Variants in SLC71A1 observed in about 807,000 individuals in gnomAD.
The protein encoded by SLC71A1 is hippocampus abundant gene transcript 1.
chr1:100,073,026 C>A, the SLC71A1 span, among the ~76,000 whole-genome samples: 1 of 152,120 alleles, frequency 6.6e-6, no homozygotes, highest in Non-Finnish European at 1.5e-5. Context: ...GCCCGCCACC[C>A]CTATGCTCCT....
At chr1:100,082,469 C>CT in the SLC71A1 span, 1 of 449,834 alleles carries the variant, frequency 2.2e-6, no homozygotes, top group Non-Finnish European at 4.0e-6. Flanking sequence ...ATTATACATC[C>CT]TTTAATTAAA....
the SLC71A1 span, among the ~76,000 whole-genome samples, chr1:100,062,914 TAAAAA>T: frequency 4.3e-5 from 5 of 116,158 alleles, no homozygotes; most frequent in South Asian, 1.2e-3. Context: ...TGTCTCTATT[TAAAAA>T]AAAAAAAAAA....
the SLC71A1 span, among the ~76,000 whole-genome samples, chr1:100,046,210 TCG>T: frequency 3.2e-5 from 4 of 126,600 alleles, no homozygotes; most frequent in East Asian, 9.2e-4. Context: ...CCTCCAAGCC[TCG>T]TTTTTTTTTT....
the SLC71A1 span, among the ~76,000 whole-genome samples, chr1:100,070,074 T>C: frequency 1.3e-5 from 2 of 152,196 alleles, no homozygotes; most frequent in Admixed American, 6.5e-5. Context: ...GTTTACATTC[T>C]GGTGGGATAA....
chr1:100,044,889 C>T, the SLC71A1 span, among the ~76,000 whole-genome samples: 1 of 152,124 alleles, frequency 6.6e-6, no homozygotes, highest in Non-Finnish European at 1.5e-5. Flanking sequence ...CAGTACCATG[C>T]GGTTTTGGTA....
chr1:100,062,340 T>G, the SLC71A1 span, among the ~76,000 whole-genome samples: 1 of 152,240 alleles, frequency 6.6e-6, no homozygotes, highest in African/African-American at 2.4e-5. Context: ...ACCTTTTTTG[T>G]GGCTTTGTGG....
chr1:100,038,268 C>T, the SLC71A1 span: 13 of 1,561,606 alleles, frequency 8.3e-6, no homozygotes, highest in Non-Finnish European at 1.1e-5. Context: ...GGGCCGCGAA[C>T]CGCAGTATCA....
the SLC71A1 span, among the ~76,000 whole-genome samples, chr1:100,052,965 A>G: frequency 1.3e-5 from 2 of 151,158 alleles, no homozygotes; most frequent in Admixed American, 1.3e-4. Flanking sequence ...TGTATTTTTA[A>G]TAGAGACGGG....
At chr1:100,050,757 A>G in the SLC71A1 span, among the ~76,000 whole-genome samples, 2 of 152,172 alleles carry the variant, frequency 1.3e-5, no homozygotes, top group African/African-American at 4.8e-5. Context: ...ATTTCTTGAT[A>G]TATTTATTGA....
chr1:100,061,714 C>G, the SLC71A1 span: 1 of 668,560 alleles, frequency 1.5e-6, no homozygotes, highest in Non-Finnish European at 2.7e-6. Context: ...AATCCATGAA[C>G]TATCCTAGTA....
At chr1:100,051,942 A>G in the SLC71A1 span, among the ~76,000 whole-genome samples, 4 of 152,206 alleles carry the variant, frequency 2.6e-5, no homozygotes, top group African/African-American at 7.2e-5. Context: ...TATTAGCCTC[A>G]TAATACAGAT....
chr1:100,044,097 G>C, the SLC71A1 span, among the ~76,000 whole-genome samples: 1 of 152,120 alleles, frequency 6.6e-6, no homozygotes, highest in Non-Finnish European at 1.5e-5. Flanking sequence ...TCAAACAGTA[G>C]TTCTATTTTT....
chr1:100,047,797 T>G, the SLC71A1 span, among the ~76,000 whole-genome samples: 2,041 of 152,306 alleles, frequency 0.013, 18 homozygotes, highest in Middle Eastern at 0.058. Flanking sequence ...TGCATCAATG[T>G]TCATCAGAGA....
chr1:100,074,201 C>T, the SLC71A1 span, among the ~76,000 whole-genome samples: 10 of 152,246 alleles, frequency 6.6e-5, no homozygotes, highest in Admixed American at 1.3e-4. Context: ...TAATTCTGCA[C>T]ATAGGACGTT....
the SLC71A1 span, among the ~76,000 whole-genome samples, chr1:100,081,010 G>C: frequency 1.3e-5 from 2 of 152,208 alleles, no homozygotes; most frequent in East Asian, 1.9e-4. Context: ...AATAACCTTT[G>C]TTCACTGTTT....
chr1:100,041,971 A>G, the SLC71A1 span, among the ~76,000 whole-genome samples: 1 of 152,180 alleles, frequency 6.6e-6, no homozygotes, highest in Admixed American at 6.5e-5. Context: ...TGTATGTAAC[A>G]TTCAGTGTAG....
At chr1:100,046,736 T>TTG in the SLC71A1 span, among the ~76,000 whole-genome samples, 5 of 152,304 alleles carry the variant, frequency 3.3e-5, no homozygotes, top group East Asian at 7.7e-4. Context: ...ATCTTCCCAT[T>TTG]TGTGTGTGTG....
the SLC71A1 span, among the ~76,000 whole-genome samples, chr1:100,072,708 C>G: frequency 6.6e-6 from 1 of 152,144 alleles, no homozygotes; most frequent in African/African-American, 2.4e-5. Context: ...GGCCAACCTT[C>G]CAGCGAGAGC....
At chr1:100,063,883 A>G in the SLC71A1 span, among the ~76,000 whole-genome samples, 1 of 152,160 alleles carries the variant, frequency 6.6e-6, no homozygotes, top group Non-Finnish European at 1.5e-5. Context: ...AGAACTGAGG[A>G]GAAGGGAAAT....
Sources: gnomAD v4.1 joint callset for allele counts (sites outside exome capture counted in the v4.1 genomes callset) on GRCh38, gnomAD v4.1.1 for gene constraint, MANE v1.5 for transcripts, NCBI Gene and HGNC (gene_info 2026-07-23, HGNC 2026-07-21) for gene names.